Variants in LYST observed in about 807,000 individuals in gnomAD.
LYST encodes the protein lysosomal trafficking regulator.
A neutral mutation model predicts 413.6 loss-of-function variants in LYST; 192 were observed. The ratio of observed to expected loss-of-function variants is 0.46; its 90% CI spans 0.41 to 0.52. The LOEUF (loss-of-function observed/expected upper bound fraction) is 0.52, where lower values mean the gene tolerates loss of function less well. Ranked by LOEUF, LYST falls within the 20% of genes least tolerant of loss-of-function variation. The pLI is 0.00. For synonymous variants in LYST, 1,525 were observed against 1,567.3 expected, an observed-to-expected ratio of 0.97 and a Z score of 0.64; for missense variants, 3,815 against 4,499.9, an observed-to-expected ratio of 0.85 and a Z score of 4.35.
intron 29 of LYST, among the ~76,000 whole-genome samples, chr1:235,744,547 G>C (rs553747296): frequency 8.5e-5 from 13 of 152,186 alleles, no homozygotes; most frequent in African/African-American, 3.1e-4. Flanking sequence ...TGATAATCAT[G>C]GTTCAATTTC....
chr1:235,733,581 T>C lies in LYST; in HGVS notation c.8723A>G (p.His2908Arg), dbSNP rs903809777. 7 of 1,613,992 alleles carry C rather than the reference T, an allele frequency of 4.3e-6. No individual in the cohort carries two copies. The highest frequency in any genetic ancestry group is 1.1e-5 in the South Asian group (1 of 91,076). The change falls in exon 34 of 53, where the codon CAT (histidine) becomes CGT (arginine). Residue 2908 changes from histidine (H) to arginine (R), a missense_variant. By Grantham distance (29) the His-to-Arg change is conservative. Around this residue, in one of 4 missense-constraint regions of LYST, gnomAD observed 866 missense variants for 1,156.0 expected, o/e 0.75. Transcript: ENST00000389793. ...ATCTACTTTATACATTCCTCTAATA[T>C]GCTGGATCACCTTTTTTCTCTCATT... The part of the protein sequence containing the change: ...QGNERKKVIQ[H>R]IRGMYKVDLS...
chr1:235,687,466 A>G (rs1181316809), intron 47 of LYST, among the ~76,000 whole-genome samples: 1 of 152,186 alleles, frequency 6.6e-6, no homozygotes, highest in African/African-American at 2.4e-5. Context: ...GGAAACAGGT[A>G]CATGTAAACA....
intron 1 of LYST, among the ~76,000 whole-genome samples, chr1:235,865,154 A>G (rs999651938): frequency 6.6e-6 from 1 of 152,192 alleles, no homozygotes; most frequent in African/African-American, 2.4e-5. Flanking sequence ...GGCTTCTGCA[A>G]GCCCTTCTGC....
chr1:235,729,001 T>C (rs556540615), intron 37 of LYST, among the ~76,000 whole-genome samples: 5 of 152,292 alleles, frequency 3.3e-5, no homozygotes, highest in African/African-American at 1.2e-4. Flanking sequence ...GAAGCTCCCA[T>C]GAGATGCTGA....
At chr1:235,780,333 G>A (rs548279514) in intron 16 of LYST, among the ~76,000 whole-genome samples, 1 of 151,806 alleles carries the variant, frequency 6.6e-6, no homozygotes, top group Admixed American at 6.6e-5. Context: ...GAGCCCAGGA[G>A]TTCAAGGCTG....
intron 10 of LYST, among the ~76,000 whole-genome samples, chr1:235,793,944 T>C (rs2103537838): frequency 6.6e-6 from 1 of 152,252 alleles, no homozygotes; most frequent in South Asian, 2.1e-4. Context: ...GCAATTCTCC[T>C]GCCTCAGCCT....
chr1:235,774,438 C>A (rs1368618597), intron 18 of LYST, among the ~76,000 whole-genome samples: 1 of 152,128 alleles, frequency 6.6e-6, no homozygotes, highest in Non-Finnish European at 1.5e-5. Context: ...CAAATGCTTT[C>A]ATCTAGAAAT....
intron 14 of LYST, among the ~76,000 whole-genome samples, chr1:235,786,384 A>C (rs1351771878): frequency 6.6e-6 from 1 of 152,236 alleles, no homozygotes; most frequent in Non-Finnish European, 1.5e-5. Context: ...GCAATCATTA[A>C]AAAGTCAGCA....
At chr1:235,743,269 A>G (rs972587346) in intron 30 of LYST, among the ~76,000 whole-genome samples, 21 of 152,212 alleles carry the variant, frequency 1.4e-4, no homozygotes, top group Admixed American at 1.3e-4. Context: ...ATTCATTCTG[A>G]GTTTTAAAAA....
At chr1:235,793,099 C>A (rs534729622) in intron 11 of LYST, among the ~76,000 whole-genome samples, 35 of 152,148 alleles carry the variant, frequency 2.3e-4, no homozygotes, top group African/African-American at 8.0e-4. Flanking sequence ...AGACACTAAG[C>A]CACACCAATG....
intron 1 of LYST, among the ~76,000 whole-genome samples, chr1:235,882,347 T>C (rs187030069): frequency 8.5e-5 from 13 of 152,350 alleles, no homozygotes; most frequent in African/African-American, 3.1e-4. Context: ...GAAGCTGCAA[T>C]GGCAGAGGGA....
At chr1:235,734,713 A>C (rs1664670427) in intron 31 of LYST, 54 bp from the exon 32 acceptor site, 1 of 1,208,622 alleles carries the variant, frequency 8.3e-7, no homozygotes, top group Admixed American at 1.8e-5. Context: ...TCTTACATTT[A>C]AATTACTTAG....
intron 40 of LYST, among the ~76,000 whole-genome samples, chr1:235,719,342 C>T (rs747166047): frequency 5.9e-5 from 9 of 152,080 alleles, no homozygotes; most frequent in Non-Finnish European, 1.3e-4. Context: ...TTTGACAAGA[C>T]CATATTAGTT....
chr1:235,766,174 A>G lies in LYST; in HGVS notation c.6026T>C (p.Leu2009Ser), dbSNP rs780821194. 1 of 1,613,058 alleles carries G rather than the reference A, an allele frequency of 6.2e-7. No individual in the cohort carries two copies. Among genetic ancestry groups the G allele is most frequent in the African/African-American group, 1.3e-5 (1 of 74,888 alleles). ...TAAAAGGAAATTGAAGATAATTGTC[A>G]ATAATTCCAAATCTGGAGGAGATCC... ...VLGSPPDLELLTIIFNFLLAV... is the reference protein window; with the variant it reads ...VLGSPPDLELSTIIFNFLLAV... The change falls in exon 21 of 53, where the codon TTG becomes TCG. Residue 2009 changes from leucine (L) to serine (S), a missense_variant. Physicochemically the swap from Leu to Ser is moderately radical, Grantham distance 145 (BLOSUM62 -2). Transcript: ENST00000389793.
intron 48 of LYST, among the ~76,000 whole-genome samples, chr1:235,680,948 C>T (rs1294746015): frequency 1.3e-5 from 2 of 152,128 alleles, no homozygotes; most frequent in African/African-American, 2.4e-5. Context: ...TGGAGGGCAA[C>T]CCATACATTT....
At chr1:235,850,671 C>T (rs1678419611) in intron 1 of LYST, among the ~76,000 whole-genome samples, 1 of 151,980 alleles carries the variant, frequency 6.6e-6, no homozygotes, top group Non-Finnish European at 1.5e-5. Flanking sequence ...CAAACTCAAA[C>T]AAATCAGTAG....
At chr1:235,848,591 G>A (rs1234008607) in intron 1 of LYST, among the ~76,000 whole-genome samples, 7 of 151,892 alleles carry the variant, frequency 4.6e-5, no homozygotes, top group Admixed American at 4.6e-4. Flanking sequence ...ACAAAAAGCT[G>A]GTTCTTTGAA....
chr1:235,677,324 C>G, intron 49 of LYST, 136 bp from the exon 50 acceptor site: 2 of 1,068,914 alleles, frequency 1.9e-6, no homozygotes, highest in South Asian at 2.6e-5. Context: ...TGTATGACTT[C>G]AATAAAATAT....
At chr1:235,801,129 T>C (rs1672170856) in intron 8 of LYST, 32 bp from the exon 9 acceptor site, 1 of 1,269,696 alleles carries the variant, frequency 7.9e-7, no homozygotes, top group East Asian at 2.3e-5. Flanking sequence ...ATTACTTGTA[T>C]TCCCTAAACA....
Sources: gnomAD v4.1 joint callset for allele counts (sites outside exome capture counted in the v4.1 genomes callset) on GRCh38, gnomAD v4.1.1 for gene constraint, gnomAD v4.1.1 regional missense constraint, MANE v1.5 for transcripts, NCBI Gene and HGNC (gene_info 2026-07-23, HGNC 2026-07-21) for gene names.